The following ABR variants were observed in gnomAD, a reference collection of about 807,000 sequenced individuals.
The protein encoded by ABR is active breakpoint cluster region-related protein.
In ABR, 35 loss-of-function variants were observed where a neutral mutation model predicts 107.2. The observed-to-expected ratio is 0.33, with a 90% CI of 0.25 to 0.43. The LOEUF (loss-of-function observed/expected upper bound fraction) is 0.43, where lower values mean the gene tolerates loss of function less well. Among genes scored for constraint, ABR ranks in the 20% least tolerant of loss-of-function variants. The pLI is 1.00. For synonymous variants in ABR, 498 were observed against 462.0 expected, an observed-to-expected ratio of 1.08 and a Z score of -1.00; for missense variants, 815 against 1,115.2, an observed-to-expected ratio of 0.73 and a Z score of 3.83.
chr17:1,064,820 G>A (rs1597634389), intron 10 of ABR, among the ~76,000 whole-genome samples: 1 of 127,940 alleles, frequency 7.8e-6, no homozygotes, highest in African/African-American at 2.9e-5. Context: ...TGAGGGCTAT[G>A]CATGTTCCTC....
chr17:1,023,339 C>T (rs1311648823), intron 16 of ABR, among the ~76,000 whole-genome samples: 6 of 152,258 alleles, frequency 3.9e-5, no homozygotes, highest in Non-Finnish European at 7.3e-5. Flanking sequence ...ACATCTCCCC[C>T]AGCGGCCTAG....
intron 6 of ABR, among the ~76,000 whole-genome samples, chr17:1,077,406 T>TA (rs1237382623): frequency 6.6e-6 from 1 of 152,032 alleles, no homozygotes; most frequent in East Asian, 1.9e-4. Flanking sequence ...AAGCCAAGGG[T>TA]ACGTTTCCTT....
At chr17:1,006,291 AGCCCAGGTGTGTTT>A in intron 22 of ABR, 122 bp from the exon 23 acceptor site, 1 of 895,582 alleles carries the variant, frequency 1.1e-6, no homozygotes, top group Non-Finnish European at 1.7e-6. Context: ...CTTCCTGGGG[AGCCCAGGTGTGTTT>A]GCCTTTCTGC....
At chr17:1,196,161 G>A (rs1055346579) in intron 1 of ABR, among the ~76,000 whole-genome samples, 1 of 148,266 alleles carries the variant, frequency 6.7e-6, no homozygotes, top group African/African-American at 2.5e-5. Flanking sequence ...AAGGTGCGGT[G>A]GCTCACGCCT....
At chr17:1,079,224 C>T (rs1400220935) in intron 6 of ABR, 106 bp downstream of exon 6, 7 of 1,514,638 alleles carry the variant, frequency 4.6e-6, no homozygotes, top group Non-Finnish European at 6.2e-6. Flanking sequence ...CACACGCGCT[C>T]ACACACACGC....
At chr17:1,149,429 T>G (rs1387236796) in intron 1 of ABR, among the ~76,000 whole-genome samples, 2 of 148,482 alleles carry the variant, frequency 1.3e-5, no homozygotes, top group African/African-American at 2.5e-5. Context: ...GTTTTAGTTT[T>G]TTTTTTTTTT....
chr17:1,185,840 T>A (rs146405369), intron 1 of ABR, among the ~76,000 whole-genome samples: 261 of 151,836 alleles, frequency 1.7e-3, no homozygotes, highest in African/African-American at 5.8e-3. Flanking sequence ...ACTATTCTTT[T>A]TTTTCTTTCT....
chr17:1,065,973 G>T (rs1486719076), intron 10 of ABR, among the ~76,000 whole-genome samples: 3 of 152,106 alleles, frequency 2.0e-5, no homozygotes. Context: ...TCAAACTCCT[G>T]ACCTCAGGTG....
exon 1 of ABR, among the ~76,000 whole-genome samples, chr17:1,229,592 G>A (rs924181602): frequency 2.6e-5 from 4 of 151,342 alleles, no homozygotes; most frequent in African/African-American, 7.3e-5. Context: ...CGGGGAACTC[G>A]GCCCGCCAGC....
rs530585891 is a variant in ABR at position 1,012,849 on chromosome 17, G to A, written c.1852-52C>T. 41 of 1,448,698 alleles carry A rather than the reference G, an allele frequency of 2.8e-5. No homozygotes were observed. The South Asian group carries it at 5.0e-4, about 18-fold the overall frequency. 89.7% of individuals were successfully genotyped at this position (1,448,698 alleles called of 1,614,324 possible). On this transcript the variant is annotated intron_variant, in intron 17 of 22. Coordinates refer to ENST00000302538, the MANE Select transcript of ABR (RefSeq NM_021962.5). ...ATTCCCCAGGGTGTGAGTGCCCGAG[G>A]AATGCCCCCAAAACACAGGGGTCCC...
chr17:1,045,608 G>T (rs1381441496), intron 16 of ABR, among the ~76,000 whole-genome samples: 1 of 152,190 alleles, frequency 6.6e-6, no homozygotes, highest in African/African-American at 2.4e-5. Context: ...CATCTTTCTA[G>T]CTGTGATGAT....
intron 3 of ABR, among the ~76,000 whole-genome samples, chr17:1,095,316 G>A (rs921154292): frequency 2.0e-5 from 3 of 152,220 alleles, no homozygotes; most frequent in African/African-American, 4.8e-5. Flanking sequence ...TCACAAGGAC[G>A]GGGCCTGCGC....
chr17:1,076,821 C>A (rs1459455230), intron 6 of ABR, among the ~76,000 whole-genome samples: 1 of 152,038 alleles, frequency 6.6e-6, no homozygotes, highest in African/African-American at 2.4e-5. Flanking sequence ...ACGGCCCCTG[C>A]ACGCTGGGGT....
chr17:1,083,752 G>A, intron 4 of ABR, 125 bp from the exon 5 acceptor site: 1 of 756,180 alleles, frequency 1.3e-6, no homozygotes, highest in Non-Finnish European at 2.3e-6. Context: ...TCAGCTCGTT[G>A]GGAACTTGGG....
chr17:1,102,229 G>A (rs566588312), intron 2 of ABR, among the ~76,000 whole-genome samples: 64 of 152,180 alleles, frequency 4.2e-4, no homozygotes, highest in Non-Finnish European at 6.3e-4. Flanking sequence ...TCTAGCTTTC[G>A]GTTCGTTCTT....
At chr17:1,159,052 G>C (rs1356271269) in intron 1 of ABR, among the ~76,000 whole-genome samples, 1 of 152,236 alleles carries the variant, frequency 6.6e-6, no homozygotes. Context: ...GTGAAGCCAA[G>C]GGACCTTTCT....
At chr17:1,054,507 A>ACGGGGGCACAAGGAACC in intron 14 of ABR, among the ~76,000 whole-genome samples, 1 of 131,626 alleles carries the variant, frequency 7.6e-6, no homozygotes, top group African/African-American at 3.3e-5. Flanking sequence ...AGGGATGGGG[A>ACGGGGGCACAAGGAACC]TACAAGGAAC....
intron 6 of ABR, among the ~76,000 whole-genome samples, chr17:1,075,290 G>T (rs892166491): frequency 6.6e-6 from 1 of 152,254 alleles, no homozygotes; most frequent in African/African-American, 2.4e-5. Context: ...GCCTCCTGCC[G>T]CAGGGGCAGT....
chr17:1,124,400 A>AC (rs1436378583), intron 2 of ABR, among the ~76,000 whole-genome samples: 7 of 151,208 alleles, frequency 4.6e-5, no homozygotes, highest in African/African-American at 1.5e-4. Context: ...TGCAACACAC[A>AC]CCCCCCACAG....
Sources: gnomAD v4.1 joint callset for allele counts (sites outside exome capture counted in the v4.1 genomes callset) on GRCh38, gnomAD v4.1.1 for gene constraint, MANE v1.5 for transcripts, NCBI Gene and HGNC (gene_info 2026-07-23, HGNC 2026-07-21) for gene names.